SLC1A3: variants seen among roughly 807,000 people sequenced by gnomAD.
SLC1A3 encodes the protein solute carrier family 1 member 3.
A neutral mutation model predicts 48.1 loss-of-function variants in SLC1A3; 21 were observed. The ratio of observed to expected loss-of-function variants is 0.44; its 90% confidence interval spans 0.31 to 0.63. The LOEUF (loss-of-function observed/expected upper bound fraction) is 0.63, where lower values mean the gene tolerates loss of function less well. Among genes scored for constraint, SLC1A3 ranks in the 20% least tolerant of loss-of-function variants. The probability of loss-of-function intolerance (pLI) is 0.08; values close to 1 mark genes in which losing one functional copy is unlikely to be tolerated. For missense variants in SLC1A3, 546 were observed against 689.0 expected, an observed-to-expected ratio of 0.79 and a Z score of 2.32; for synonymous variants, 239 against 251.4, an observed-to-expected ratio of 0.95 and a Z score of 0.47.
In SLC1A3 at chr5:36,684,079, A is replaced by T. The variant is rs116046937; in HGVS notation, c.1424+81A>T. 2.8e-3 allele frequency: 4,407 copies of T among 1,554,450 alleles called. 123 individuals are homozygous for T. In the African/African-American group the frequency reaches 0.053, roughly 19 times the overall value. On this transcript the variant is annotated intron_variant, in intron 9 of 9. Transcript: ENST00000265113. ...TCTAGGGCACCAGGCAGCCTGGCAC[A>T]TCTACAGAAAGAACTCTGAGGAGAG...
At chr5:36,632,737 T>C (rs996096246) in intron 3 of SLC1A3, among the ~76,000 whole-genome samples, 6 of 152,266 alleles carry the variant, frequency 3.9e-5, no homozygotes, top group Non-Finnish European at 8.8e-5. Context: ...TGGAAGATTC[T>C]AGAAAACATG....
chr5:36,688,135 G>A lies in SLC1A3; in HGVS notation c.*1866G>A, dbSNP rs1463428238. 1 of 152,150 alleles carries A rather than the reference G, an allele frequency of 6.6e-6. No homozygotes were observed. The allele number at this position is 152,150 out of a possible 1,614,324, so 9.4% of individuals were successfully genotyped here. Reference sequence around the variant, plus strand: ...CCTCTTAAGACACTAGTAGAGCAAAGACTTAATCATATCAACTTAATTCTG... The same window carrying A: ...CCTCTTAAGACACTAGTAGAGCAAAAACTTAATCATATCAACTTAATTCTG... On this transcript the variant is annotated 3_prime_UTR_variant, in exon 10 of 10. Transcript: ENST00000265113.
chr5:36,651,306 C>A (rs1741060312), intron 3 of SLC1A3, among the ~76,000 whole-genome samples: 1 of 152,060 alleles, frequency 6.6e-6, no homozygotes, highest in Non-Finnish European at 1.5e-5. Context: ...CTGGGCAACA[C>A]CATATTGATC....
In SLC1A3 at chr5:36,687,686, G is replaced by C. The variant is rs1197226363; in HGVS notation, c.*1417G>C. On this transcript the variant is annotated 3_prime_UTR_variant, in exon 10 of 10. Coordinates refer to ENST00000265113, the MANE Select transcript of SLC1A3 (RefSeq NM_004172.5). Reference sequence around the variant, plus strand: ...CATTCAAAACTTTCAGCTGGAGTGGGGTTTGCTTTTGTTTTGTTTGTGTCC... The same window carrying C: ...CATTCAAAACTTTCAGCTGGAGTGGCGTTTGCTTTTGTTTTGTTTGTGTCC... The C allele has an allele frequency of 1.3e-5, 2 of 152,376 alleles. No individual in the cohort carries two copies. The highest frequency in any genetic ancestry group is 2.9e-5 in the Non-Finnish European group (2 of 68,018). The allele number at this position is 152,376 out of a possible 1,614,324, so 9.4% of individuals were successfully genotyped here. A position where few individuals can be genotyped will look rare whatever the true frequency, so the allele number is the denominator to read the frequency against.
At chr5:36,663,898 C>T (rs1160038478) in intron 3 of SLC1A3, among the ~76,000 whole-genome samples, 1 of 152,144 alleles carries the variant, frequency 6.6e-6, no homozygotes, top group Non-Finnish European at 1.5e-5. Flanking sequence ...AGTAAATTGC[C>T]TTCTTTGCTC....
intron 3 of SLC1A3, among the ~76,000 whole-genome samples, chr5:36,639,790 G>C (rs1290922535): frequency 6.6e-6 from 1 of 152,172 alleles, no homozygotes; most frequent in Non-Finnish European, 1.5e-5. Context: ...AAGTAAAATA[G>C]AAAATGCTAT....
chr5:36,685,992 T>G (rs766035619), intron 9 of SLC1A3, 73 bp from the exon 10 acceptor site: 5 of 1,219,336 alleles, frequency 4.1e-6, no homozygotes, highest in Non-Finnish European at 6.1e-6. Context: ...CGCTGGCCAG[T>G]TCCTAACGTA....
At chr5:36,615,444 C>T (rs1739390379) in intron 2 of SLC1A3, among the ~76,000 whole-genome samples, 1 of 152,070 alleles carries the variant, frequency 6.6e-6, no homozygotes, top group South Asian at 2.1e-4. Context: ...GAATCTTTTT[C>T]CTAGATAACC....
chr5:36,599,525 T>TTTTTTTTTTTC (rs1738782175), intron 1 of SLC1A3, among the ~76,000 whole-genome samples: 1 of 143,818 alleles, frequency 7.0e-6, no homozygotes, highest in Non-Finnish European at 1.5e-5. Flanking sequence ...TTTTTTTTTT[T>TTTTTTTTTTTC]TTGAGACGGA....
In SLC1A3 at chr5:36,671,038, C is replaced by T. The variant is rs745820508; in HGVS notation, c.329C>T (p.Ala110Val). ...IISSLVTGMAALDSKASGKMG... is the reference protein window; with the variant it reads ...IISSLVTGMAVLDSKASGKMG... ...TGTTTGCCTCCACCAGGAATGGCGG[C>T]GCTAGATAGTAAGGCATCAGGGAAG... is the stretch of plus-strand genomic sequence containing the variant. Residue 110 changes from alanine to valine, a missense_variant, in exon 4 of 10, where the codon GCG (alanine) becomes GTG (valine). Coordinates refer to ENST00000265113, the MANE Select transcript of SLC1A3 (RefSeq NM_004172.5). 5.6e-6 allele frequency: 9 copies of T among 1,613,646 alleles called. No individual in the cohort carries two copies. Among genetic ancestry groups the T allele is most frequent in the African/African-American group, 4.0e-5 (3 of 74,890 alleles).
chr5:36,675,504 A>G (rs1168937920), intron 5 of SLC1A3, among the ~76,000 whole-genome samples: 1 of 152,204 alleles, frequency 6.6e-6, no homozygotes, highest in Non-Finnish European at 1.5e-5. Context: ...TTGAAGGGAA[A>G]GAAAATGTTT....
chr5:36,646,620 C>T (rs2111829500), intron 3 of SLC1A3, among the ~76,000 whole-genome samples: 1 of 152,280 alleles, frequency 6.6e-6, no homozygotes, highest in South Asian at 2.1e-4. Flanking sequence ...TGAAGGCTTG[C>T]AGTCAAGGTC....
chr5:36,605,959 T>C (rs1478440451), upstream of SLC1A3, among the ~76,000 whole-genome samples: 2 of 152,208 alleles, frequency 1.3e-5, no homozygotes, highest in African/African-American at 4.8e-5. Context: ...CATTTTCTAG[T>C]TTGGCAAAAA....
In SLC1A3 at chr5:36,685,985, T is replaced by C; in HGVS notation, c.1425-80T>C. 5 of 1,095,970 alleles carry C rather than the reference T, an allele frequency of 4.6e-6. No individual in the cohort carries two copies. The South Asian group carries it at 6.3e-5, about 14-fold the overall frequency. The allele number at this position is 1,095,970 out of a possible 1,614,324, so 67.9% of individuals were successfully genotyped here. A position where few individuals can be genotyped will look rare whatever the true frequency, so the allele number is the denominator to read the frequency against. ...AACTGAATGTTAAGAGGTGCTTCGC[T>C]GGCCAGTTCCTAACGTAAGTTGAAA... is the stretch of plus-strand genomic sequence containing the variant. On this transcript the variant is annotated intron_variant, in intron 9 of 9. Transcript: ENST00000265113.
intron 1 of SLC1A3, among the ~76,000 whole-genome samples, chr5:36,598,762 T>C (rs774641084): frequency 3.0e-4 from 45 of 152,088 alleles, no homozygotes; most frequent in Non-Finnish European, 5.1e-4. Flanking sequence ...GTTGGGACTA[T>C]AGGTGTCCGC....
chr5:36,684,148 C>T, intron 9 of SLC1A3, 150 bp downstream of exon 9: 1 of 1,033,468 alleles, frequency 9.7e-7, no homozygotes, highest in Non-Finnish European at 1.5e-6. Flanking sequence ...TGTCTGACCC[C>T]TGGTCCTTAT....
intron 2 of SLC1A3, among the ~76,000 whole-genome samples, chr5:36,622,798 T>C (rs1315820048): frequency 2.0e-5 from 3 of 151,768 alleles, no homozygotes; most frequent in Admixed American, 6.6e-5. Flanking sequence ...GATCACGAGG[T>C]CAGGAGATCG....
intron 3 of SLC1A3, among the ~76,000 whole-genome samples, chr5:36,665,347 A>G (rs1479678072): frequency 1.3e-5 from 2 of 152,214 alleles, no homozygotes; most frequent in Non-Finnish European, 2.9e-5. Context: ...CACTGAGGCC[A>G]CTGCAATGAA....
chr5:36,627,336 T>TTA (rs1398517031), intron 2 of SLC1A3, among the ~76,000 whole-genome samples: 2 of 152,160 alleles, frequency 1.3e-5, no homozygotes, highest in Non-Finnish European at 2.9e-5. Flanking sequence ...AACAATCTTT[T>TTA]TATGATAATA....
Sources: gnomAD v4.1 joint callset for allele counts (sites outside exome capture counted in the v4.1 genomes callset) on GRCh38, gnomAD v4.1.1 for gene constraint, MANE v1.5 for transcripts, NCBI Gene and HGNC (gene_info 2026-07-23, HGNC 2026-07-21) for gene names.